The following KIF6 variants were observed in gnomAD, a reference collection of about 807,000 sequenced individuals.
The protein encoded by KIF6 is kinesin-like protein KIF6.
In KIF6, 106 loss-of-function variants were observed where a neutral mutation model predicts 112.7. That is an observed-to-expected ratio of 0.94 (90% CI 0.80 to 1.11). The LOEUF is 1.11. Among genes scored for constraint, KIF6 ranks in the 50% least tolerant of loss-of-function variants. The pLI is 0.00. For synonymous variants in KIF6, 339 were observed against 339.9 expected (o/e 1.00, Z 0.03); for missense variants, 929 against 964.0 (o/e 0.96, Z 0.48).
chr6:39,455,210 C>A (rs1325041058), intron 13 of KIF6, among the ~76,000 whole-genome samples: 1 of 151,956 alleles, frequency 6.6e-6, no homozygotes, highest in African/African-American at 2.4e-5. Flanking sequence ...GGGTCCCTGA[C>A]CCCTGACCCC....
chr6:39,658,218 C>A (rs1785915300), intron 3 of KIF6, among the ~76,000 whole-genome samples: 1 of 152,074 alleles, frequency 6.6e-6, no homozygotes, highest in Non-Finnish European at 1.5e-5. Flanking sequence ...GAATATCTAC[C>A]TTTATTTTAA....
chr6:39,702,626 T>A (rs539226286), intron 3 of KIF6, among the ~76,000 whole-genome samples: 1 of 152,302 alleles, frequency 6.6e-6, no homozygotes. Flanking sequence ...GGTCTTGAAT[T>A]CCTGGGCTCA....
chr6:39,415,591 C>T lies in KIF6; in HGVS notation c.1810+4357G>A, dbSNP rs147059424. On this transcript the variant is annotated intron_variant, in intron 15 of 22. Transcript: ENST00000287152. ...TAGTAACAAAAGGATATACTTGATC[C>T]GGGTCATCATAATCTAGCAAAACAG... Among the ~76,000 whole-genome samples the T allele has an allele frequency of 3.0e-3, 462 of 152,254 alleles. 5 individuals carry two copies. The highest frequency in any genetic ancestry group is 0.011 in the African/African-American group (447 of 41,550).
At chr6:39,360,665 T>C (rs1765062198) in intron 17 of KIF6, 135 bp from the exon 18 acceptor site, 7 of 947,360 alleles carry the variant, frequency 7.4e-6, no homozygotes, top group South Asian at 3.4e-5. Flanking sequence ...TGGGACCCTA[T>C]AGGAGCTTCG....
chr6:39,642,548 T>A (rs975788956), intron 3 of KIF6, among the ~76,000 whole-genome samples: 1 of 152,100 alleles, frequency 6.6e-6, no homozygotes, highest in Non-Finnish European at 1.5e-5. Flanking sequence ...GCTCCACTCA[T>A]GGTACTTGTC....
intron 18 of KIF6, among the ~76,000 whole-genome samples, chr6:39,358,235 C>T (rs915375017): frequency 6.6e-6 from 1 of 152,230 alleles, no homozygotes. Context: ...TAGGTTATTT[C>T]CCACTTGCTT....
At chr6:39,401,792 T>G (rs1999045) in intron 15 of KIF6, among the ~76,000 whole-genome samples, 122,216 of 151,910 alleles carry the variant, frequency 0.8, 49,983 homozygotes, top group South Asian at 0.9. Flanking sequence ...TCTACCCTGT[T>G]CCTTATTTCT....
intron 10 of KIF6, among the ~76,000 whole-genome samples, chr6:39,569,233 G>A (rs1309289221): frequency 6.6e-6 from 1 of 152,166 alleles, no homozygotes; most frequent in African/African-American, 2.4e-5. Context: ...ATTAAGTACT[G>A]ACAAGAGACT....
At chr6:39,627,297 A>G (rs1272437798) in intron 5 of KIF6, among the ~76,000 whole-genome samples, 1 of 152,052 alleles carries the variant, frequency 6.6e-6, no homozygotes, top group Admixed American at 6.6e-5. Context: ...TCTTGCATTG[A>G]TGTGATTTCT....
chr6:39,536,482 C>T (rs1384253967), intron 13 of KIF6, among the ~76,000 whole-genome samples: 1 of 151,374 alleles, frequency 6.6e-6, no homozygotes, highest in East Asian at 1.9e-4. Flanking sequence ...GGATAAATTC[C>T]TCGACACATA....
chr6:39,616,720 C>G (rs773044039), intron 5 of KIF6, among the ~76,000 whole-genome samples: 11 of 152,314 alleles, frequency 7.2e-5, no homozygotes, highest in Non-Finnish European at 1.6e-4. Context: ...GTGCGTCAGC[C>G]CCACCTATGT....
chr6:39,501,619 T>C (rs1467030831), intron 13 of KIF6, among the ~76,000 whole-genome samples: 2 of 152,066 alleles, frequency 1.3e-5, no homozygotes, highest in Admixed American at 6.6e-5. Context: ...AAATAGCCAA[T>C]TTAGAGAGAG....
chr6:39,659,136 T>C (rs1289598284), intron 3 of KIF6, among the ~76,000 whole-genome samples: 2 of 152,172 alleles, frequency 1.3e-5, no homozygotes, highest in Admixed American at 1.3e-4. Flanking sequence ...CTGGCCCCAA[T>C]GTGACTTGAA....
intron 16 of KIF6, among the ~76,000 whole-genome samples, chr6:39,385,371 G>A (rs995505709): frequency 6.6e-6 from 1 of 152,178 alleles, no homozygotes; most frequent in African/African-American, 2.4e-5. Flanking sequence ...TGGGAAAGGA[G>A]GGGAGGATGA....
chr6:39,625,190 C>T (rs1212128865), intron 5 of KIF6, among the ~76,000 whole-genome samples: 2 of 152,258 alleles, frequency 1.3e-5, no homozygotes, highest in African/African-American at 4.8e-5. Flanking sequence ...TTAAGCTACC[C>T]ATTCTATGGT....
At chr6:39,508,302 A>G (rs1776559838) in intron 13 of KIF6, among the ~76,000 whole-genome samples, 1 of 151,966 alleles carries the variant, frequency 6.6e-6, no homozygotes, top group African/African-American at 2.4e-5. Context: ...CTGACACAGA[A>G]CACAGGTGAT....
In KIF6 at chr6:39,545,580, TA is replaced by T; in HGVS notation, c.1287+2del. On this transcript the variant is annotated splice_donor_variant, in intron 11 of 22. Transcript: ENST00000287152. LOFTEE classifies it high-confidence loss of function. ...CTTCTATTGGGGAAACATTTAAGTT[TA>T]CCTTTAAATGATGAAAACAGTGATG... 1 of 1,605,818 alleles carries T rather than the reference TA, an allele frequency of 6.2e-7. No homozygotes were observed. The highest frequency in any genetic ancestry group is 1.7e-5 in the Admixed American group (1 of 59,728).
At chr6:39,365,149 G>A (rs914186485) in intron 16 of KIF6, among the ~76,000 whole-genome samples, 2 of 152,134 alleles carry the variant, frequency 1.3e-5, no homozygotes, top group Non-Finnish European at 2.9e-5. Context: ...TGTGTCATTA[G>A]CTTACTGATA....
intron 13 of KIF6, among the ~76,000 whole-genome samples, chr6:39,506,309 G>A (rs1202578698): frequency 6.6e-6 from 1 of 152,140 alleles, no homozygotes; most frequent in Non-Finnish European, 1.5e-5. Context: ...GCTGAACAAT[G>A]AGGACACATG....
Sources: allele counts gnomAD v4.1 joint callset (sites outside exome capture counted in the v4.1 genomes callset), GRCh38; gene constraint gnomAD v4.1.1; transcripts MANE v1.5; gene names NCBI Gene and HGNC (gene_info 2026-07-23, HGNC 2026-07-21).